NTRK3: variants seen among roughly 807,000 people sequenced by gnomAD.
NTRK3 encodes the protein NT-3 growth factor receptor.
In NTRK3, 24 loss-of-function variants were observed where a neutral mutation model predicts 91.7. The ratio of observed to expected loss-of-function variants is 0.26; its 90% CI spans 0.19 to 0.37. The LOEUF is 0.37. NTRK3 is among the 10% of genes least tolerant of loss of function. The probability of loss-of-function intolerance (pLI) is 1.00; values close to 1 mark genes in which losing one functional copy is unlikely to be tolerated. For synonymous variants in NTRK3, 483 were observed against 404.0 expected (o/e 1.20, Z -2.34); for missense variants, 880 against 1,068.9 (o/e 0.82, Z 2.46).
At chr15:87,960,208 A>C (rs2072114566) in intron 14 of NTRK3, among the ~76,000 whole-genome samples, 2 of 152,230 alleles carry the variant, frequency 1.3e-5, no homozygotes, top group Admixed American at 6.5e-5. Flanking sequence ...CAAATCTCCC[A>C]GTATAAATGG....
At chr15:88,186,909 C>A (rs1431604855) in intron 3 of NTRK3, among the ~76,000 whole-genome samples, 1 of 152,098 alleles carries the variant, frequency 6.6e-6, no homozygotes, top group Non-Finnish European at 1.5e-5. Flanking sequence ...TCTATATGAC[C>A]CTGTCCAGGT....
intron 14 of NTRK3, among the ~76,000 whole-genome samples, chr15:88,027,413 C>T (rs1316017324): frequency 2.0e-5 from 3 of 152,164 alleles, no homozygotes; most frequent in Non-Finnish European, 4.4e-5. Flanking sequence ...GACAGAGTCT[C>T]GCTCTGTCGC....
chr15:87,903,898 T>C (rs2066597791), intron 17 of NTRK3, among the ~76,000 whole-genome samples: 2 of 152,204 alleles, frequency 1.3e-5, no homozygotes, highest in African/African-American at 4.8e-5. Flanking sequence ...ATCTCTAGCT[T>C]ATAGACATCT....
chr15:87,953,432 A>G (rs988797464), intron 14 of NTRK3, among the ~76,000 whole-genome samples: 1 of 152,204 alleles, frequency 6.6e-6, no homozygotes, highest in South Asian at 2.1e-4. Context: ...CACATAGAGA[A>G]GTGTGAGGTT....
chr15:88,144,735 T>C (rs2042725122), intron 6 of NTRK3, among the ~76,000 whole-genome samples: 1 of 152,162 alleles, frequency 6.6e-6, no homozygotes, highest in African/African-American at 2.4e-5. Flanking sequence ...TGTAGGATTG[T>C]TCCAAGGATA....
At chr15:88,171,409 C>A (rs555546280) in intron 5 of NTRK3, among the ~76,000 whole-genome samples, 110 of 152,256 alleles carry the variant, frequency 7.2e-4, no homozygotes, top group African/African-American at 2.6e-3. Context: ...GCCAGATCCC[C>A]ACCCCGGCTC....
intron 3 of NTRK3, among the ~76,000 whole-genome samples, chr15:88,206,374 A>C (rs917438519): frequency 1.1e-4 from 16 of 140,446 alleles, no homozygotes; most frequent in Non-Finnish European, 1.1e-4. Context: ...AAACAAAAAA[A>C]CAGGCCGGGC....
intron 14 of NTRK3, among the ~76,000 whole-genome samples, chr15:87,989,126 CA>C (rs1270567567): frequency 3.3e-5 from 5 of 152,068 alleles, no homozygotes; most frequent in Non-Finnish European, 7.4e-5. Context: ...CTAGAGATAC[CA>C]TTTGATCCAG....
chr15:87,883,615 G>A (rs1477148682), intron 17 of NTRK3, among the ~76,000 whole-genome samples: 1 of 150,892 alleles, frequency 6.6e-6, no homozygotes, highest in African/African-American at 2.4e-5. Flanking sequence ...TTAAAAAATT[G>A]CACATTATTT....
At chr15:88,191,645 C>A (rs919535895) in intron 3 of NTRK3, among the ~76,000 whole-genome samples, 1 of 152,230 alleles carries the variant, frequency 6.6e-6, no homozygotes, top group Non-Finnish European at 1.5e-5. Flanking sequence ...ATGTGCCGCG[C>A]TTTTGACTCC....
rs147944926 is a variant in NTRK3, at chr15:88,003,129, T to C, written c.1585+29728A>G. Among the ~76,000 whole-genome samples, 127 of 152,344 alleles carry C rather than the reference T, an allele frequency of 8.3e-4. 1 individual carries two copies. The East Asian group carries it at 0.021, about 25-fold the overall frequency. On this transcript the variant is annotated intron_variant, in intron 14 of 18. Coordinates refer to ENST00000394480, the Ensembl canonical transcript of NTRK3. ...ATCATTAAGTTATTTGACTAATTCT[T>C]TACAAGGCAATCAAATGCTAGCCAC...
chr15:88,089,229 G>A (rs1209711805), intron 13 of NTRK3, among the ~76,000 whole-genome samples: 1 of 152,134 alleles, frequency 6.6e-6, no homozygotes, highest in East Asian at 1.9e-4. Flanking sequence ...CTGGCTTTGT[G>A]CCTGGAGGCC....
At chr15:88,099,572 T>C (rs1026969690) in intron 13 of NTRK3, among the ~76,000 whole-genome samples, 2 of 152,090 alleles carry the variant, frequency 1.3e-5, no homozygotes, top group Non-Finnish European at 2.9e-5. Flanking sequence ...CTTAAGTCCA[T>C]AAAAGTGCAA....
chr15:88,238,854 A>G (rs945483556), intron 3 of NTRK3, among the ~76,000 whole-genome samples: 1 of 152,222 alleles, frequency 6.6e-6, no homozygotes, highest in African/African-American at 2.4e-5. Context: ...CTTCTGCAAT[A>G]AACATGGGAA....
intron 5 of NTRK3, among the ~76,000 whole-genome samples, chr15:88,162,342 T>C (rs1200161003): frequency 6.6e-6 from 1 of 152,086 alleles, no homozygotes; most frequent in Non-Finnish European, 1.5e-5. Flanking sequence ...CCCCACACAG[T>C]GCCCACCACA....
chr15:88,110,164 A>T (rs922986923), intron 13 of NTRK3, among the ~76,000 whole-genome samples: 3 of 152,112 alleles, frequency 2.0e-5, no homozygotes, highest in Non-Finnish European at 4.4e-5. Flanking sequence ...AAGAAATCTT[A>T]GTGTCATGGC....
chr15:88,013,387 G>A (rs1254567018), intron 14 of NTRK3, among the ~76,000 whole-genome samples: 1 of 152,248 alleles, frequency 6.6e-6, no homozygotes, highest in Non-Finnish European at 1.5e-5. Flanking sequence ...GTTGGTGGAA[G>A]AAATGCCTGA....
intron 13 of NTRK3, among the ~76,000 whole-genome samples, chr15:88,087,035 CAG>C (rs1353877630): frequency 4.6e-5 from 7 of 152,208 alleles, no homozygotes; most frequent in Admixed American, 2.0e-4. Flanking sequence ...CATTGGGTCA[CAG>C]AGAGGTTTCC....
chr15:87,885,668 T>TAA, intron 17 of NTRK3, 26 bp downstream of exon 18: 11 of 1,275,910 alleles, frequency 8.6e-6, no homozygotes, highest in East Asian at 2.7e-5. Flanking sequence ...AACTATTCAT[T>TAA]AAAAAAAATA....
Sources: gnomAD v4.1 joint callset for allele counts (sites outside exome capture counted in the v4.1 genomes callset) on GRCh38, gnomAD v4.1.1 for gene constraint, MANE v1.5 for transcripts, NCBI Gene and HGNC (gene_info 2026-07-23, HGNC 2026-07-21) for gene names.